The following BMP5 variants were observed in gnomAD, a reference collection of about 807,000 sequenced individuals.
BMP5 encodes bone morphogenetic protein 5.
A neutral mutation model predicts 46.6 loss-of-function variants in BMP5; 23 were observed. The observed-to-expected ratio is 0.49, with a 90% CI of 0.35 to 0.70. The LOEUF is 0.70. BMP5 is among the 30% of genes least tolerant of loss of function. The pLI, the probability that BMP5 is intolerant of heterozygous loss-of-function variation, is 0.00. For synonymous variants in BMP5, 204 were observed against 191.9 expected (o/e 1.06, Z -0.52); for missense variants, 545 against 565.6 (o/e 0.96, Z 0.37).
chr6:55,759,447 A>G (rs976283866), intron 5 of BMP5, among the ~76,000 whole-genome samples: 3 of 151,924 alleles, frequency 2.0e-5, no homozygotes, highest in Non-Finnish European at 4.4e-5. Context: ...GAATAAAACT[A>G]TTATAAGAAA....
intron 3 of BMP5, among the ~76,000 whole-genome samples, chr6:55,783,710 C>A (rs2127525047): frequency 6.6e-6 from 1 of 151,884 alleles, no homozygotes; most frequent in South Asian, 2.1e-4. Flanking sequence ...AATATTTACC[C>A]CACAGATCAT....
intron 1 of BMP5, among the ~76,000 whole-genome samples, chr6:55,860,521 G>C (rs770437954): frequency 3.2e-4 from 49 of 152,092 alleles, no homozygotes; most frequent in Admixed American, 7.9e-4. Context: ...CAGATATTAA[G>C]ATCCTTCACA....
chr6:55,838,907 T>C (rs568802636), intron 1 of BMP5, among the ~76,000 whole-genome samples: 1 of 152,304 alleles, frequency 6.6e-6, no homozygotes, highest in African/African-American at 2.4e-5. Flanking sequence ...TTAACAGAGC[T>C]CTTTCTTGAG....
At chr6:55,782,548 A>C (rs980644109) in intron 3 of BMP5, among the ~76,000 whole-genome samples, 1 of 152,160 alleles carries the variant, frequency 6.6e-6, no homozygotes, top group Non-Finnish European at 1.5e-5. Context: ...GGTTTCCAAG[A>C]GTGTTTTCTT....
rs746660181 is a variant in BMP5, at chr6:55,799,944, A to ATAAG, written c.684-5521_684-5518dup. The stretch of plus-strand genomic sequence containing the variant: ...CATCACCTTTTTAAAAAGCACTTAT[A>ATAAG]TAAGTACCCTTCCCTTATATAAGAA... On this transcript the variant is annotated intron_variant, in intron 2 of 6. Transcript: ENST00000370830. Among the ~76,000 whole-genome samples, 103 of 152,320 alleles carry ATAAG rather than the reference A, an allele frequency of 6.8e-4. 1 individual carries two copies. Among genetic ancestry groups the ATAAG allele is most frequent in the Admixed American group, 5.2e-4 (8 of 15,302 alleles).
intron 2 of BMP5, among the ~76,000 whole-genome samples, chr6:55,805,750 A>G (rs749804911): frequency 3.9e-5 from 6 of 152,140 alleles, no homozygotes; most frequent in Non-Finnish European, 5.9e-5. Flanking sequence ...CTTTTTAATA[A>G]TCGCCATTCT....
chr6:55,846,636 C>T (rs1381486104), intron 1 of BMP5, among the ~76,000 whole-genome samples: 1 of 151,762 alleles, frequency 6.6e-6, no homozygotes, highest in Non-Finnish European at 1.5e-5. Context: ...CTTATTTATC[C>T]AGACACTAAT....
intron 1 of BMP5, among the ~76,000 whole-genome samples, chr6:55,842,630 C>A (rs1776989346): frequency 6.6e-6 from 1 of 151,996 alleles, no homozygotes; most frequent in Non-Finnish European, 1.5e-5. Context: ...TTGCATTACG[C>A]CGGCCCCTCA....
intron 1 of BMP5, among the ~76,000 whole-genome samples, chr6:55,858,608 CG>C (rs1777455560): frequency 6.6e-6 from 1 of 152,064 alleles, no homozygotes; most frequent in African/African-American, 2.4e-5. Flanking sequence ...ATAATACTAA[CG>C]TTTACACTCA....
chr6:55,848,073 C>T (rs1404503403), intron 1 of BMP5, among the ~76,000 whole-genome samples: 2 of 151,868 alleles, frequency 1.3e-5, no homozygotes, highest in African/African-American at 2.4e-5. Context: ...GCTGGTGTAG[C>T]CTAAGTTACA....
chr6:55,762,211 T>C (rs1259257823), intron 4 of BMP5, among the ~76,000 whole-genome samples: 1 of 152,016 alleles, frequency 6.6e-6, no homozygotes, highest in Non-Finnish European at 1.5e-5. Context: ...ACTAGTCCAC[T>C]TTGATTATTT....
At chr6:55,805,747 AT>A (rs1349060059) in intron 2 of BMP5, among the ~76,000 whole-genome samples, 2 of 152,268 alleles carry the variant, frequency 1.3e-5, no homozygotes, top group Non-Finnish European at 2.9e-5. Context: ...TGACTTTTTA[AT>A]AATCGCCATT....
In BMP5 at chr6:55,782,542, T is replaced by C. The variant is rs192023500; in HGVS notation, c.833-8299A>G. ...TTTGCATGCAAAATAATAGCTGGTT[T>C]CCAAGAGTGTTTTCTTGTGCTCAAT... On this transcript the variant is annotated intron_variant, in intron 3 of 6. Transcript: ENST00000370830. Among the ~76,000 whole-genome samples, 1,031 of 152,284 alleles carry C rather than the reference T, an allele frequency of 6.8e-3. 9 individuals carry two copies. Among genetic ancestry groups the C allele is most frequent in the Middle Eastern group, 0.024 (7 of 294 alleles).
intron 2 of BMP5, among the ~76,000 whole-genome samples, chr6:55,797,505 C>T (rs920679837): frequency 2.6e-5 from 4 of 151,750 alleles, no homozygotes; most frequent in African/African-American, 9.7e-5. Flanking sequence ...AAATAAGGTG[C>T]AGTTACAATA....
intron 2 of BMP5, among the ~76,000 whole-genome samples, chr6:55,804,821 A>C (rs1019815904): frequency 1.7e-4 from 26 of 152,184 alleles, no homozygotes; most frequent in African/African-American, 5.5e-4. Flanking sequence ...AGGTGCAAAC[A>C]GTCATGTAAA....
chr6:55,873,872 TGG>T (rs1194813610), intron 1 of BMP5, among the ~76,000 whole-genome samples: 1 of 152,104 alleles, frequency 6.6e-6, no homozygotes, highest in Non-Finnish European at 1.5e-5. Context: ...TAATCTTTTA[TGG>T]TGCTATTCAA....
chr6:55,773,706 T>A (rs1383194391), intron 4 of BMP5, among the ~76,000 whole-genome samples: 1 of 152,002 alleles, frequency 6.6e-6, no homozygotes, highest in Non-Finnish European at 1.5e-5. Context: ...TTTACCTGGT[T>A]GACCATCCAT....
chr6:55,862,000 A>T (rs77928595), intron 1 of BMP5, among the ~76,000 whole-genome samples: 1 of 152,348 alleles, frequency 6.6e-6, no homozygotes, highest in South Asian at 2.1e-4. Flanking sequence ...AAAAATTAAA[A>T]TGTTAGCACT....
At chr6:55,802,558 T>C (rs2127532003) in intron 2 of BMP5, among the ~76,000 whole-genome samples, 1 of 151,840 alleles carries the variant, frequency 6.6e-6, no homozygotes, top group South Asian at 2.1e-4. Context: ...TAAGGAAAAG[T>C]GACCAGCCAT....
Sources: gnomAD v4.1 joint callset for allele counts (sites outside exome capture counted in the v4.1 genomes callset) on GRCh38, gnomAD v4.1.1 for gene constraint, MANE v1.5 for transcripts, NCBI Gene and HGNC (gene_info 2026-07-23, HGNC 2026-07-21) for gene names.